Variants in OXA1L observed in about 807,000 individuals in gnomAD.
The protein encoded by OXA1L is OXA1L mitochondrial inner membrane insertase, also known as mitochondrial inner membrane protein OXA1L.
A neutral mutation model predicts 52.2 loss-of-function variants in OXA1L; 42 were observed. The ratio of observed to expected loss-of-function variants is 0.80; its 90% CI spans 0.63 to 1.04. OXA1L has a LOEUF of 1.04. Among genes scored for constraint, OXA1L ranks in the 50% least tolerant of loss-of-function variants. The pLI, the probability that OXA1L is intolerant of heterozygous loss-of-function variation, is 0.00. For missense variants in OXA1L, 572 were observed against 555.0 expected (o/e 1.03, Z -0.31); for synonymous variants, 239 against 201.9 (o/e 1.18, Z -1.56).
intron 3 of OXA1L, among the ~76,000 whole-genome samples, chr14:22,769,463 T>C (rs2038438884): frequency 6.6e-6 from 1 of 152,222 alleles, no homozygotes; most frequent in Non-Finnish European, 1.5e-5. Context: ...CCCTCAGCCG[T>C]CTGGCTTTTA....
At chr14:22,766,842 G>T in intron 1 of OXA1L, 78 bp downstream of exon 1, 1 of 1,588,232 alleles carries the variant, frequency 6.3e-7, no homozygotes, top group Admixed American at 1.8e-5. Flanking sequence ...TCGTGCTAGG[G>T]GTATCAGCAG....
rs756809756 is a variant in OXA1L, at chr14:22,772,095, C to CA, written c.*547dup. 0.023 allele frequency: 2,919 copies of CA among 128,214 alleles called. 47 individuals carry two copies. The highest frequency in any genetic ancestry group is 0.084 in the South Asian group (288 of 3,422). 7.9% of individuals were successfully genotyped at this position (128,214 alleles called of 1,614,324 possible). ...CCTGGGCAATAGAGGGAGACTGTCT[C>CA]AAAAAAAAAAGAAAACTGAAGAATA... On this transcript the variant is annotated 3_prime_UTR_variant, in exon 10 of 10. Transcript: ENST00000612549.
Position 22,772,510 on chromosome 14 carries a change from AAAAAAAAAAC to A in OXA1L, c.*954_*963del, listed in dbSNP as rs1242324987. The A allele has an allele frequency of 1.7e-4, 18 of 107,928 alleles. 1 individual carries two copies. Among genetic ancestry groups the A allele is most frequent in the African/African-American group, 4.8e-4 (15 of 31,398 alleles). 6.7% of individuals were successfully genotyped at this position (107,928 alleles called of 1,614,324 possible). The stretch of plus-strand genomic sequence containing the variant: ...TCTCAAAAAAAAAAAAAAAAAAAAA[AAAAAAAAAAC>A]AGTTTAAACTTCCAACCCATGCATG... On this transcript the variant is annotated 3_prime_UTR_variant, in exon 10 of 10. Transcript: ENST00000612549.
At position 22,767,146 on chromosome 14, in the gene OXA1L, G is replaced by GC. The variant is rs113749415; in HGVS notation, c.64-101dup. ...CAATGTCCTCCCCTGTAGTGGCCGA[G>GC]CTGCCTGCTTCTTGGGGAGTTAGCA... is the stretch of plus-strand genomic sequence containing the variant. On this transcript the variant is annotated intron_variant, in intron 1 of 9. Transcript: ENST00000612549. 7.5e-5 allele frequency: 115 copies of GC among 1,537,778 alleles called. No individual in the cohort carries two copies. In the African/African-American group the frequency reaches 1.3e-3, roughly 18 times the overall value.
chr14:22,771,144 C>G lies in OXA1L; in HGVS notation c.1066C>G (p.Pro356Ala), dbSNP rs115535954. The change falls in exon 8 of 10, where the codon CCT becomes GCT. Residue 356 changes from proline to alanine, a missense_variant. By Grantham distance (27) the Pro-to-Ala change is conservative. Coordinates refer to ENST00000612549, the MANE Select transcript of OXA1L (RefSeq NM_005015.5). The part of the protein sequence containing the change: ...QRVVHDLDKL[P>A]PREGFLESFK... Reference sequence around the variant, plus strand: ...TGTTGTACATGACCTGGACAAATTACCTCCACGGGAAGGCTTCCTAGAGAG... The same window carrying G: ...TGTTGTACATGACCTGGACAAATTAGCTCCACGGGAAGGCTTCCTAGAGAG... 1.7e-3 allele frequency: 2,730 copies of G among 1,614,146 alleles called. 23 individuals carry two copies. The African/African-American group carries it at 0.029, about 17-fold the overall frequency.
In OXA1L at chr14:22,770,818, C is replaced by T; in HGVS notation, c.848C>T (p.Thr283Ile). The T allele has an allele frequency of 6.2e-7, 1 of 1,613,960 alleles. No homozygotes were observed. The highest frequency in any genetic ancestry group is 1.1e-5 in the South Asian group (1 of 91,074). ...TTCTTTTGGCAGCTAGGTGCTGAGA[C>T]AGGTGTGCAAAGTTCTGACCTTCAG... Reference protein sequence around the residue: ...MWAVLELGAETGVQSSDLQWM... With the variant: ...MWAVLELGAEIGVQSSDLQWM... Residue 283 changes from threonine to isoleucine, a missense_variant, in exon 7 of 10, where the codon ACA becomes ATA. Physicochemically the swap from Thr to Ile is moderately conservative, Grantham distance 89 (BLOSUM62 -1). Coordinates refer to ENST00000612549, the MANE Select transcript of OXA1L (RefSeq NM_005015.5).
At chr14:22,767,518 C>G (rs2038420019) in intron 2 of OXA1L, 109 bp downstream of exon 2, 11 of 861,488 alleles carry the variant, frequency 1.3e-5, no homozygotes, top group Non-Finnish European at 2.0e-5. Context: ...CTTGTCCACG[C>G]TCCACACAGC....
At position 22,771,112 on chromosome 14, in the gene OXA1L, C is replaced by G; in HGVS notation, c.1034C>G (p.Pro345Arg). Residue 345 changes from proline (P) to arginine (R), a missense_variant, in exon 8 of 10, where the codon CCC (proline) becomes CGC (arginine). Physicochemically the swap from Pro to Arg is moderately radical, Grantham distance 103 (BLOSUM62 -2). This residue lies in a region of OXA1L where 244 missense variants were observed against 240.2 expected (regional missense o/e 1.02). Coordinates refer to ENST00000612549, the MANE Select transcript of OXA1L (RefSeq NM_005015.5). ...GCAGTACGCACTGTACTTAAAATCC[C>G]CCAGCGTGTTGTACATGACCTGGAC... is the stretch of plus-strand genomic sequence containing the variant. Reference protein sequence around the residue: ...IPAVRTVLKIPQRVVHDLDKL... With the variant: ...IPAVRTVLKIRQRVVHDLDKL... The G allele has an allele frequency of 1.9e-6, 3 of 1,614,108 alleles. No homozygotes were observed. The highest frequency in any genetic ancestry group is 2.5e-6 in the Non-Finnish European group (3 of 1,180,000).
In OXA1L at chr14:22,771,506, G is replaced by A. The variant is rs1175543601; in HGVS notation, c.1256G>A (p.Ser419Asn). The A allele has an allele frequency of 6.2e-7, 1 of 1,612,062 alleles. No homozygotes were observed. The highest frequency in any genetic ancestry group is 2.2e-5 in the East Asian group (1 of 44,848). ...AAGGATAACCCTCCCAATATCCCTA[G>A]CAGCAGCAGCAAACCAAAGTCAAAG... is the stretch of plus-strand genomic sequence containing the variant. ...PGKDNPPNIP[S>N]SSSKPKSKYP... is the part of the protein sequence containing the mutation. The change falls in exon 10 of 10, where the codon AGC becomes AAC. Residue 419 changes from serine (S) to asparagine (N), a missense_variant. Transcript: ENST00000612549.
At position 22,766,815 on chromosome 14, in the gene OXA1L, C is replaced by A. The variant is rs770869807; in HGVS notation, c.63+51C>A. ...CGGGATGCTGCCCTGACCCAGTGAA[C>A]CAGGCCCCAGGACAGCTCGTGCTAG... On this transcript the variant is annotated intron_variant, in intron 1 of 9. Coordinates refer to ENST00000612549, the MANE Select transcript of OXA1L (RefSeq NM_005015.5). The A allele has an allele frequency of 1.9e-6, 3 of 1,609,482 alleles. No homozygotes were observed. In the South Asian group the frequency reaches 3.3e-5, roughly 18 times the overall value.
Position 22,769,928 on chromosome 14 carries a change from A to G in OXA1L, c.577A>G (p.Ile193Val). ...AGAGGCCAAGTTAGCAGGAGACCATATTGAGTGTGAGTCAGTTGCAGAATG... is the reference window on the plus strand; with the variant it reads ...AGAGGCCAAGTTAGCAGGAGACCATGTTGAGTGTGAGTCAGTTGCAGAATG... The part of the protein sequence containing the change: ...IREAKLAGDH[I>V]EYYKASSEMA... Residue 193 changes from isoleucine (I) to valine (V), a missense_variant, in exon 4 of 10, where the codon ATT (isoleucine) becomes GTT (valine). This residue lies in a region of OXA1L where 132 missense variants were observed against 124.0 expected (regional missense o/e 1.06). Transcript: ENST00000612549. 1 of 1,614,132 alleles carries G rather than the reference A, an allele frequency of 6.2e-7. No homozygotes were observed. Among genetic ancestry groups the G allele is most frequent in the Non-Finnish European group, 8.5e-7 (1 of 1,180,010 alleles).
At chr14:22,767,522 A>G in intron 2 of OXA1L, 113 bp downstream of exon 2, 2 of 861,796 alleles carry the variant, frequency 2.3e-6, no homozygotes, top group South Asian at 1.8e-5. Context: ...TCCACGCTCC[A>G]CACAGCTCTC....
At chr14:22,769,402 T>G (rs1364737816) in intron 3 of OXA1L, among the ~76,000 whole-genome samples, 1 of 152,234 alleles carries the variant, frequency 6.6e-6, no homozygotes, top group Non-Finnish European at 1.5e-5. Flanking sequence ...TTGATAGCTG[T>G]TACTTAAAAG....
At position 22,772,488 on chromosome 14, in the gene OXA1L, C is replaced by CAAAAAAAAAAAAAAAAAAAAAAAAA. The variant is rs56136068; in HGVS notation, c.*937_*961dup. ...TGGGCAAGAGAGTGAGACTCCTTCT[C>CAAAAAAAAAAAAAAAAAAAAAAAAA]AAAAAAAAAAAAAAAAAAAAAAAAA... On this transcript the variant is annotated 3_prime_UTR_variant, in exon 10 of 10. Coordinates refer to ENST00000612549, the MANE Select transcript of OXA1L (RefSeq NM_005015.5). The CAAAAAAAAAAAAAAAAAAAAAAAAA allele has an allele frequency of 3.9e-5, 3 of 76,010 alleles. No homozygotes were observed. The highest frequency in any genetic ancestry group is 4.2e-4 in the East Asian group (1 of 2,372). 4.7% of individuals were successfully genotyped at this position (76,010 alleles called of 1,614,324 possible). A position where few individuals can be genotyped will look rare whatever the true frequency, so the allele number is the denominator to read the frequency against.
rs1566436298 is a variant in OXA1L at position 22,772,245 on chromosome 14, G to GAGGCCAAGGCGGGCGGATCACGA, written c.*690_*712dup. ...ACGCCAGTAATCCCAGCACTTTTGG[G>GAGGCCAAGGCGGGCGGATCACGA]AGGCCAAGGCGGGCGGATCACGAAG... On this transcript the variant is annotated 3_prime_UTR_variant, in exon 10 of 10. Coordinates refer to ENST00000612549, the MANE Select transcript of OXA1L (RefSeq NM_005015.5). 1 of 150,878 alleles carries GAGGCCAAGGCGGGCGGATCACGA rather than the reference G, an allele frequency of 6.6e-6. No homozygotes were observed. Among genetic ancestry groups the GAGGCCAAGGCGGGCGGATCACGA allele is most frequent in the Admixed American group, 6.6e-5 (1 of 15,164 alleles). The allele number at this position is 150,878 out of a possible 1,614,324, so 9.3% of individuals were successfully genotyped here.
chr14:22,767,730 C>G (rs2038421738), intron 2 of OXA1L: 1 of 503,694 alleles, frequency 2.0e-6, no homozygotes, highest in Non-Finnish European at 3.5e-6. Flanking sequence ...AAAGAAATAA[C>G]TTCCCAGCAT....
In OXA1L at chr14:22,767,945, T is replaced by G; in HGVS notation, c.226-13T>G. On this transcript the variant is annotated splice_polypyrimidine_tract_variant and intron_variant, in intron 2 of 9. Coordinates refer to ENST00000612549, the MANE Select transcript of OXA1L (RefSeq NM_005015.5). ...TACTGAATAAATATAATACAAGGCT[T>G]TCTTTCACACAGGTTCAGGCCCCTC... The G allele has an allele frequency of 6.3e-7, 1 of 1,597,998 alleles. No homozygotes were observed.
intron 2 of OXA1L, 194 bp from the exon 3 acceptor site, chr14:22,767,764 T>A (rs930065183): frequency 7.5e-6 from 4 of 532,758 alleles, no homozygotes; most frequent in Non-Finnish European, 1.3e-5. Context: ...GGATTCTTAC[T>A]CAAAGTAACT....
In OXA1L at chr14:22,767,418, C is replaced by G. The variant is rs373094747; in HGVS notation, c.225+9C>G. On this transcript the variant is annotated intron_variant, in intron 2 of 9. Coordinates refer to ENST00000612549, the MANE Select transcript of OXA1L (RefSeq NM_005015.5). ...CTTTTGCAGAAGTCCAGGTAAGAGG[C>G]CTTTCGTTCCTGCAATATTAGGAGT... is the stretch of plus-strand genomic sequence containing the variant. The G allele has an allele frequency of 2.5e-5, 40 of 1,585,662 alleles. No individual in the cohort carries two copies. Among genetic ancestry groups the G allele is most frequent in the African/African-American group, 4.1e-5 (3 of 73,368 alleles).
Sources: gnomAD v4.1 joint callset for allele counts (sites outside exome capture counted in the v4.1 genomes callset) on GRCh38, gnomAD v4.1.1 for gene constraint, gnomAD v4.1.1 regional missense constraint, MANE v1.5 for transcripts, NCBI Gene and HGNC (gene_info 2026-07-23, HGNC 2026-07-21) for gene names.